TMEM217B: variants seen among roughly 807,000 people sequenced by gnomAD.
The protein encoded by TMEM217B is putative transmembrane protein 217B.
chr6:37,256,819 C>T, the TMEM217B span, among the ~76,000 whole-genome samples: 5 of 152,120 alleles, frequency 3.3e-5, no homozygotes, highest in African/African-American at 1.2e-4. Context: ...TGGACTGGTG[C>T]CCGCCTTCCC....
chr6:37,248,028 T>C, the TMEM217B span, among the ~76,000 whole-genome samples: 1 of 152,178 alleles, frequency 6.6e-6, no homozygotes, highest in Non-Finnish European at 1.5e-5. Context: ...CATAGTTCCA[T>C]GTAGGTCTCA....
At chr6:37,218,384 C>T in the TMEM217B span, 1 of 1,461,970 alleles carries the variant, frequency 6.8e-7, no homozygotes, top group South Asian at 1.3e-5. Context: ...GCTGCCAAGG[C>T]CAGGCTGGTC....
At chr6:37,248,305 A>C in the TMEM217B span, among the ~76,000 whole-genome samples, 8 of 152,336 alleles carry the variant, frequency 5.3e-5, no homozygotes, top group South Asian at 1.0e-3. Flanking sequence ...AATACAGTAG[A>C]TGCTCAATAA....
the TMEM217B span, among the ~76,000 whole-genome samples, chr6:37,223,604 G>A: frequency 2.0e-5 from 3 of 152,158 alleles, no homozygotes; most frequent in African/African-American, 7.2e-5. Context: ...TGCCTCCCGG[G>A]TTCAAGCAAT....
the TMEM217B span, among the ~76,000 whole-genome samples, chr6:37,251,628 TAC>T: frequency 6.6e-6 from 1 of 152,202 alleles, no homozygotes; most frequent in African/African-American, 2.4e-5. Context: ...TGTTTATGGA[TAC>T]ACACATATGT....
chr6:37,255,199 G>A, the TMEM217B span, among the ~76,000 whole-genome samples: 1 of 152,140 alleles, frequency 6.6e-6, no homozygotes, highest in Non-Finnish European at 1.5e-5. Context: ...ATAGAGCCAG[G>A]CAATAAGACC....
chr6:37,218,169 CTT>C, the TMEM217B span: 2,071 of 1,005,646 alleles, frequency 2.1e-3, no homozygotes, highest in East Asian at 4.6e-3. Flanking sequence ...AAGCTGCTAA[CTT>C]TTTTTTTTTT....
At chr6:37,220,485 T>C in the TMEM217B span, among the ~76,000 whole-genome samples, 52 of 151,870 alleles carry the variant, frequency 3.4e-4, no homozygotes, top group African/African-American at 1.1e-3. Flanking sequence ...AGTTGGCTTG[T>C]TAACTACACT....
At chr6:37,257,851 G>A in the TMEM217B span, 8 of 1,561,012 alleles carry the variant, frequency 5.1e-6, no homozygotes, top group Middle Eastern at 3.7e-4. Context: ...CTCAGATTGC[G>A]GGGTCTGGGG....
chr6:37,252,200 T>C, the TMEM217B span, among the ~76,000 whole-genome samples: 1 of 152,210 alleles, frequency 6.6e-6, no homozygotes, highest in Non-Finnish European at 1.5e-5. Context: ...GCCTGGATTT[T>C]ACATTTTTTA....
At chr6:37,246,344 T>C in the TMEM217B span, among the ~76,000 whole-genome samples, 1 of 152,192 alleles carries the variant, frequency 6.6e-6, no homozygotes, top group Non-Finnish European at 1.5e-5. Context: ...ATGTCTGTTA[T>C]CTTCCTTGGG....
the TMEM217B span, chr6:37,213,020 C>CACG: frequency 6.7e-7 from 1 of 1,485,878 alleles, no homozygotes; most frequent in Non-Finnish European, 9.1e-7. Flanking sequence ...ATCATACAGA[C>CACG]ACGTGACAAG....
the TMEM217B span, among the ~76,000 whole-genome samples, chr6:37,250,666 T>A: frequency 6.6e-6 from 1 of 152,242 alleles, no homozygotes; most frequent in Non-Finnish European, 1.5e-5. Flanking sequence ...ACATTTTACA[T>A]CACAACCAAG....
At chr6:37,228,415 A>G in the TMEM217B span, among the ~76,000 whole-genome samples, 3 of 152,230 alleles carry the variant, frequency 2.0e-5, no homozygotes, top group African/African-American at 7.2e-5. Flanking sequence ...TCAAAAAATA[A>G]TAATAAGGCC....
chr6:37,215,356 C>T, the TMEM217B span: 1 of 1,521,368 alleles, frequency 6.6e-7, no homozygotes, highest in East Asian at 2.5e-5. Flanking sequence ...GCAGGCGGAT[C>T]ACGAGGTCAG....
chr6:37,214,617 A>C, the TMEM217B span, among the ~76,000 whole-genome samples: 1 of 152,052 alleles, frequency 6.6e-6, no homozygotes, highest in African/African-American at 2.4e-5. Flanking sequence ...GCTCCCTACT[A>C]ACCATTTTTC....
At chr6:37,224,819 A>C in the TMEM217B span, among the ~76,000 whole-genome samples, 1 of 152,118 alleles carries the variant, frequency 6.6e-6, no homozygotes, top group Non-Finnish European at 1.5e-5. Context: ...TAAAAATCAA[A>C]ACCAAGCAAA....
chr6:37,226,638 G>A, the TMEM217B span, among the ~76,000 whole-genome samples: 1 of 151,478 alleles, frequency 6.6e-6, no homozygotes, highest in South Asian at 2.1e-4. Flanking sequence ...GAGTGCAGTG[G>A]CACGATCTCG....
chr6:37,236,014 A>G, the TMEM217B span, among the ~76,000 whole-genome samples: 1 of 152,232 alleles, frequency 6.6e-6, no homozygotes, highest in Admixed American at 6.5e-5. Context: ...TACTAGAAAA[A>G]TAAAGCTAGA....
Sources: allele counts gnomAD v4.1 joint callset (sites outside exome capture counted in the v4.1 genomes callset), GRCh38; gene constraint gnomAD v4.1.1; transcripts MANE v1.5; gene names NCBI Gene and HGNC (gene_info 2026-07-23, HGNC 2026-07-21).